The following ZNF518A variants were observed in gnomAD, a reference collection of about 807,000 sequenced individuals.
The protein encoded by ZNF518A is zinc finger protein 518A, also known as zinc finger protein 518.
ZNF518A carries 47 observed loss-of-function variants against 102.7 expected under a neutral mutation model. That is an observed-to-expected ratio of 0.46 (90% CI 0.36 to 0.58). The LOEUF is 0.58. Ranked by LOEUF, ZNF518A falls within the 20% of genes least tolerant of loss-of-function variation. The pLI is 0.00. For missense variants in ZNF518A, 1,793 were observed against 1,699.8 expected (o/e 1.05, Z -0.96); for synonymous variants, 652 against 594.6 (o/e 1.10, Z -1.40).
chr10:96,193,327 C>T (rs782696626), intron 1 of ZNF518A, among the ~76,000 whole-genome samples: 4 of 152,130 alleles, frequency 2.6e-5, no homozygotes, highest in Non-Finnish European at 5.9e-5. Flanking sequence ...GGCCAGAAAA[C>T]GAAATAGCAC....
At chr10:96,139,272 C>T (rs1484347857) in intron 3 of ZNF518A, among the ~76,000 whole-genome samples, 4 of 152,050 alleles carry the variant, frequency 2.6e-5, no homozygotes, top group African/African-American at 9.7e-5. Context: ...TTTTAAGTGC[C>T]TTGTTGCTAT....
chr10:96,192,157 C>G (rs2133908623), intron 1 of ZNF518A: 1 of 1,592,172 alleles, frequency 6.3e-7, no homozygotes, highest in Non-Finnish European at 8.6e-7. Flanking sequence ...CTCCACTCCT[C>G]CCATCTTCTC....
chr10:96,165,249 A>C (rs587743433), downstream of ZNF518A, among the ~76,000 whole-genome samples: 21 of 152,240 alleles, frequency 1.4e-4, no homozygotes, highest in South Asian at 2.3e-3. Context: ...GTGGGATTAC[A>C]GGTGCCCACC....
At position 96,163,056 on chromosome 10, in the gene ZNF518A, A is replaced by G. The variant is rs1169895915; in HGVS notation, c.*2282A>G. On this transcript the variant is annotated 3_prime_UTR_variant, in exon 6 of 6. Transcript: ENST00000316045. ...ACATCACCTGCTGTAAATAGCAAGG[A>G]GAGAGAAGGAACTTTCCTGCTAATA... 3.6e-5 allele frequency: 6 copies of G among 167,022 alleles called. No individual in the cohort carries two copies. Among genetic ancestry groups the G allele is most frequent in the African/African-American group, 1.4e-4 (6 of 41,466 alleles). The allele number at this position is 167,022 out of a possible 1,614,324, so 10.3% of individuals were successfully genotyped here.
intron 3 of ZNF518A, among the ~76,000 whole-genome samples, chr10:96,143,668 C>T (rs1466621983): frequency 6.6e-6 from 1 of 152,116 alleles, no homozygotes; most frequent in Admixed American, 6.5e-5. Context: ...TACAGGATTT[C>T]CTGGAATTCA....
At chr10:96,170,744 G>A (rs1014632622) in intron 1 of ZNF518A, among the ~76,000 whole-genome samples, 12 of 152,024 alleles carry the variant, frequency 7.9e-5, no homozygotes, top group Non-Finnish European at 7.4e-5. Flanking sequence ...TAACTTCATC[G>A]AAATTTGAAA....
chr10:96,138,469 T>C (rs2081733482), intron 3 of ZNF518A, among the ~76,000 whole-genome samples: 3 of 152,210 alleles, frequency 2.0e-5, no homozygotes, highest in Admixed American at 6.5e-5. Context: ...TTTCTTGGAT[T>C]GTTGGCTTCC....
upstream of ZNF518A, among the ~76,000 whole-genome samples, chr10:96,130,290 T>A (rs782253383): frequency 6.6e-6 from 1 of 152,218 alleles, no homozygotes; most frequent in African/African-American, 2.4e-5. Flanking sequence ...ATTCAGCGCT[T>A]CCGCTTAACT....
downstream of ZNF518A, chr10:96,204,386 C>T: frequency 1.0e-6 from 1 of 971,938 alleles, no homozygotes. Flanking sequence ...AGTTGCTCAA[C>T]ACCTTTTAAC....
Position 96,157,479 on chromosome 10 carries a change from C to T in ZNF518A, c.1157C>T (p.Pro386Leu), listed in dbSNP as rs1226250625. The T allele has an allele frequency of 6.2e-7, 1 of 1,613,602 alleles. No individual in the cohort carries two copies. The highest frequency in any genetic ancestry group is 1.7e-5 in the Admixed American group (1 of 59,966). The change falls in exon 6 of 6, where the codon CCT becomes CTT. Residue 386 changes from proline (P) to leucine (L), a missense_variant. This residue lies in a region of ZNF518A where 1,741 missense variants were observed against 1,622.6 expected (regional missense o/e 1.07). Coordinates refer to ENST00000316045, the MANE Select transcript of ZNF518A (RefSeq NM_001330736.2). ...CACTGTGAGAATAATGATAAAGCCC[C>T]TGAATCAGAGTCAGAGAAGCCAACT... ...RLHCENNDKA[P>L]ESESEKPTPL...
downstream of ZNF518A, among the ~76,000 whole-genome samples, chr10:96,168,276 C>T (rs1008302958): frequency 1.3e-5 from 2 of 152,084 alleles, no homozygotes; most frequent in Non-Finnish European, 2.9e-5. Flanking sequence ...ACCACTTGGC[C>T]AGTGGGAATG....
chr10:96,189,293 C>A (rs1312847621), intron 1 of ZNF518A: 1 of 449,324 alleles, frequency 2.2e-6, no homozygotes, highest in Admixed American at 3.0e-5. Flanking sequence ...GAAAGGACAG[C>A]CAGATATTGA....
chr10:96,162,097 T>TA lies in ZNF518A; in HGVS notation c.*1325dup. 1 of 167,098 alleles carries TA rather than the reference T, an allele frequency of 6.0e-6. No homozygotes were observed. The highest frequency in any genetic ancestry group is 2.4e-5 in the African/African-American group (1 of 41,586). 10.4% of individuals were successfully genotyped at this position (167,098 alleles called of 1,614,324 possible). A position where few individuals can be genotyped will look rare whatever the true frequency, so the allele number is the denominator to read the frequency against. ...TTTTTTGTTACATTGTTACAAGTGT[T>TA]AATGACATTTTCATTAATGGATGAA... is the stretch of plus-strand genomic sequence containing the variant. On this transcript the variant is annotated 3_prime_UTR_variant, in exon 6 of 6. Coordinates refer to ENST00000316045, the MANE Select transcript of ZNF518A (RefSeq NM_001330736.2).
chr10:96,188,743 C>T (rs892372882), intron 1 of ZNF518A, among the ~76,000 whole-genome samples: 1 of 152,160 alleles, frequency 6.6e-6, no homozygotes, highest in Non-Finnish European at 1.5e-5. Context: ...TTCCCAAACC[C>T]CTATATACCT....
At chr10:96,198,691 T>A (rs1202299935) in intron 1 of ZNF518A, among the ~76,000 whole-genome samples, 2 of 152,210 alleles carry the variant, frequency 1.3e-5, no homozygotes, top group Admixed American at 6.5e-5. Flanking sequence ...AACAGTTTTT[T>A]AACTCTCTTT....
chr10:96,204,724 G>A (rs782108565), downstream of ZNF518A: 10 of 959,198 alleles, frequency 1.0e-5, no homozygotes, highest in Admixed American at 7.8e-5. Flanking sequence ...AAGTCTTCCC[G>A]GGAACATGTC....
downstream of ZNF518A, among the ~76,000 whole-genome samples, chr10:96,167,077 G>A (rs1356512574): frequency 2.6e-5 from 4 of 152,176 alleles, no homozygotes; most frequent in Non-Finnish European, 4.4e-5. Context: ...AAACAGAAAA[G>A]TATGTGTCCT....
chr10:96,179,868 CTTCT>C (rs1258547397), intron 1 of ZNF518A, among the ~76,000 whole-genome samples: 5 of 142,128 alleles, frequency 3.5e-5, no homozygotes, highest in African/African-American at 7.8e-5. Flanking sequence ...TTTTTTTCTT[CTTCT>C]TTCTTTCTTT....
chr10:96,191,334 T>A (rs782031071), intron 1 of ZNF518A, among the ~76,000 whole-genome samples: 37 of 151,584 alleles, frequency 2.4e-4, no homozygotes, highest in Non-Finnish European at 4.9e-4. Flanking sequence ...CAAGTTTAGG[T>A]TCTATTTGAT....
Sources: allele counts gnomAD v4.1 joint callset (sites outside exome capture counted in the v4.1 genomes callset), GRCh38; gene constraint gnomAD v4.1.1; regional missense constraint gnomAD v4.1.1; transcripts MANE v1.5; gene names NCBI Gene and HGNC (gene_info 2026-07-23, HGNC 2026-07-21).